CDH12: variants seen among roughly 807,000 people sequenced by gnomAD.
The protein encoded by CDH12 is cadherin-12.
In CDH12, 41 loss-of-function variants were observed where a neutral mutation model predicts 74.1. That is an observed-to-expected ratio of 0.55 (90% CI 0.43 to 0.72). The LOEUF is 0.72. Among genes scored for constraint, CDH12 ranks in the 30% least tolerant of loss-of-function variants. The pLI, the probability that CDH12 is intolerant of heterozygous loss-of-function variation, is 0.00. For synonymous variants in CDH12, 399 were observed against 355.0 expected (o/e 1.12, Z -1.39); for missense variants, 945 against 977.2 (o/e 0.97, Z 0.44).
Position 21,764,978 on chromosome 5 carries a change from C to G in CDH12, c.1515G>C (p.Gln505His), listed in dbSNP as rs1561164548. ...TCAAGGAACAATATTTATAAGATAC[C>G]TGTCCTGGCTTGGCATTTTCACACA... ...TAVCENAKPG[Q>H]IIQIVSAADR... The change falls in exon 12 of 15, where the codon CAG (glutamine) becomes CAC (histidine). Residue 505 changes from glutamine (Q) to histidine (H), a missense_variant and splice_region_variant. By Grantham distance (24) the Gln-to-His change is conservative (BLOSUM62 0). Coordinates refer to ENST00000382254, the MANE Select transcript of CDH12 (RefSeq NM_004061.5). The G allele has an allele frequency of 6.2e-7, 1 of 1,613,498 alleles. No individual in the cohort carries two copies. Among genetic ancestry groups the G allele is most frequent in the African/African-American group, 1.3e-5 (1 of 74,974 alleles).
At chr5:22,357,035 G>GTATTTATCTATCTATCTATCTAGA (rs1740591504) in intron 3 of CDH12, among the ~76,000 whole-genome samples, 2 of 152,056 alleles carry the variant, frequency 1.3e-5, no homozygotes. Flanking sequence ...TTAATTAGGT[G>GTATTTATCTATCTATCTATCTAGA]TAGCAATTTA....
intron 2 of CDH12, among the ~76,000 whole-genome samples, chr5:22,490,077 G>A (rs1359081610): frequency 6.6e-6 from 1 of 152,100 alleles, no homozygotes; most frequent in African/African-American, 2.4e-5. Flanking sequence ...TAAATTATAT[G>A]TCCACTGGAT....
intron 3 of CDH12, among the ~76,000 whole-genome samples, chr5:22,216,815 ACTATAGT>A (rs1410389504): frequency 6.6e-6 from 1 of 151,912 alleles, no homozygotes; most frequent in Non-Finnish European, 1.5e-5. Flanking sequence ...GAAAACTTAG[ACTATAGT>A]CAAAATTCTA....
intron 2 of CDH12, among the ~76,000 whole-genome samples, chr5:22,435,418 ATG>A (rs1561402014): frequency 6.6e-6 from 1 of 151,612 alleles, no homozygotes; most frequent in African/African-American, 2.4e-5. Context: ...ACACATATAT[ATG>A]TGTGTATATA....
At chr5:22,344,317 A>G (rs1740018991) in intron 3 of CDH12, among the ~76,000 whole-genome samples, 1 of 152,214 alleles carries the variant, frequency 6.6e-6, no homozygotes, top group African/African-American at 2.4e-5. Context: ...TTTAGAAAAA[A>G]AGATAGAAAA....
chr5:22,705,269 C>T (rs1021516596), intron 1 of CDH12, among the ~76,000 whole-genome samples: 4 of 151,594 alleles, frequency 2.6e-5, no homozygotes, highest in South Asian at 2.1e-4. Flanking sequence ...GCTTACATTT[C>T]CTTGCTCAGG....
intron 6 of CDH12, among the ~76,000 whole-genome samples, chr5:21,856,125 A>G (rs1750743293): frequency 2.6e-5 from 4 of 151,694 alleles, no homozygotes; most frequent in Non-Finnish European, 5.9e-5. Context: ...ATCCATCATC[A>G]TCACCATCAT....
chr5:22,735,751 A>C (rs1192465394), intron 1 of CDH12, among the ~76,000 whole-genome samples: 2 of 151,902 alleles, frequency 1.3e-5, no homozygotes, highest in East Asian at 3.9e-4. Context: ...CATGATTGAA[A>C]ATTGTATTCT....
At chr5:22,262,043 G>C (rs548270833) in intron 3 of CDH12, among the ~76,000 whole-genome samples, 1 of 151,820 alleles carries the variant, frequency 6.6e-6, no homozygotes, top group East Asian at 1.9e-4. Flanking sequence ...ATGTAATATT[G>C]AAATTACCAA....
At chr5:22,250,958 T>C (rs551989774) in intron 3 of CDH12, among the ~76,000 whole-genome samples, 1 of 152,238 alleles carries the variant, frequency 6.6e-6, no homozygotes, top group East Asian at 1.9e-4. Flanking sequence ...AAAGGTAGAC[T>C]AAAATAAGGA....
chr5:22,092,629 C>T (rs554249210), intron 4 of CDH12, among the ~76,000 whole-genome samples: 37 of 152,132 alleles, frequency 2.4e-4, no homozygotes, highest in African/African-American at 4.3e-4. Flanking sequence ...AATCAGCACC[C>T]GCACACATGG....
At chr5:22,614,553 A>T (rs1475688148) in intron 1 of CDH12, among the ~76,000 whole-genome samples, 1 of 152,056 alleles carries the variant, frequency 6.6e-6, no homozygotes, top group Non-Finnish European at 1.5e-5. Context: ...TTGGAAAAAG[A>T]CTAGTTAATT....
chr5:22,349,529 T>C (rs1410917748), intron 3 of CDH12, among the ~76,000 whole-genome samples: 1 of 152,228 alleles, frequency 6.6e-6, no homozygotes. Context: ...TAATCCCCTC[T>C]TTCCCAATTC....
intron 7 of CDH12, among the ~76,000 whole-genome samples, chr5:21,846,434 T>A (rs1334656082): frequency 6.6e-6 from 1 of 151,934 alleles, no homozygotes; most frequent in East Asian, 1.9e-4. Context: ...GGGTTCATTA[T>A]CCCAGACAAT....
In CDH12 at chr5:21,791,696, G is replaced by A. The variant is rs866925979; in HGVS notation, c.1257-8202C>T. On this transcript the variant is annotated intron_variant, in intron 10 of 14. Transcript: ENST00000382254. The stretch of plus-strand genomic sequence containing the variant: ...GTGATTGTTGCTAAAAAAAAAAAAG[G>A]TTTTAACATTTGAATAGAAATCAGA... 1.5e-4 allele frequency among the ~76,000 whole-genome samples: 22 copies of A among 149,812 alleles called. No homozygotes were observed. In the South Asian group the frequency reaches 4.2e-3, roughly 29 times the overall value.
chr5:21,856,961 C>T (rs1367704406), intron 6 of CDH12, among the ~76,000 whole-genome samples: 1 of 151,804 alleles, frequency 6.6e-6, no homozygotes, highest in African/African-American at 2.4e-5. Context: ...TTAAAGATTG[C>T]CTTTCTGGGT....
chr5:22,747,607 C>CA (rs34948688), intron 1 of CDH12, among the ~76,000 whole-genome samples: 69,069 of 110,710 alleles, frequency 0.62, 21,697 homozygotes, highest in Non-Finnish European at 0.71. Context: ...GAGACGCTGC[C>CA]AAAAAAAAAA....
At chr5:22,717,924 A>G (rs1031495312) in intron 1 of CDH12, among the ~76,000 whole-genome samples, 3 of 152,142 alleles carry the variant, frequency 2.0e-5, no homozygotes, top group Non-Finnish European at 4.4e-5. Flanking sequence ...AGAAAAAAAA[A>G]GCATCTTCTG....
At chr5:22,120,314 T>C (rs1213322702) in intron 4 of CDH12, among the ~76,000 whole-genome samples, 2 of 152,068 alleles carry the variant, frequency 1.3e-5, no homozygotes, top group African/African-American at 2.4e-5. Flanking sequence ...AAAACAAATA[T>C]ACATATTCAG....
Sources: allele counts gnomAD v4.1 joint callset (sites outside exome capture counted in the v4.1 genomes callset), GRCh38; gene constraint gnomAD v4.1.1; transcripts MANE v1.5; gene names NCBI Gene and HGNC (gene_info 2026-07-23, HGNC 2026-07-21).